Variants in RCC1 observed in about 807,000 individuals in gnomAD.
RCC1 encodes the protein regulator of chromosome condensation.
In RCC1, 11 loss-of-function variants were observed where a neutral mutation model predicts 44.4. That is an observed-to-expected ratio of 0.25 (90% CI 0.16 to 0.41). The LOEUF (loss-of-function observed/expected upper bound fraction) is 0.41. Among genes scored for constraint, RCC1 ranks in the 10% least tolerant of loss-of-function variants. The pLI, the probability that RCC1 is intolerant of heterozygous loss-of-function variation, is 1.00. For synonymous variants in RCC1, 213 were observed against 216.5 expected, an observed-to-expected ratio of 0.98 and a Z score of 0.14; for missense variants, 386 against 547.1, an observed-to-expected ratio of 0.71 and a Z score of 2.94.
At chr1:28,511,431 C>T (rs577116069) in intron 3 of RCC1, among the ~76,000 whole-genome samples, 4 of 146,792 alleles carry the variant, frequency 2.7e-5, no homozygotes, top group Admixed American at 6.7e-5. Flanking sequence ...GAGGGAGTCT[C>T]GCTCTGTCGC....
chr1:28,533,101 A>T (rs562697808), intron 7 of RCC1, among the ~76,000 whole-genome samples: 1 of 152,214 alleles, frequency 6.6e-6, no homozygotes, highest in African/African-American at 2.4e-5. Context: ...GGCGTGGGCC[A>T]CCACACCCGG....
intron 4 of RCC1, among the ~76,000 whole-genome samples, chr1:28,517,121 CAAAA>C (rs796542591): frequency 1.3e-4 from 18 of 136,176 alleles, no homozygotes; most frequent in African/African-American, 3.8e-4. Context: ...GACTCGATCT[CAAAA>C]AAAAAAAAAG....
At chr1:28,522,615 C>G (rs1368644973) in intron 4 of RCC1, among the ~76,000 whole-genome samples, 3 of 151,490 alleles carry the variant, frequency 2.0e-5, no homozygotes, top group African/African-American at 7.3e-5. Context: ...TGAGACCAGC[C>G]TGGGCAACAT....
chr1:28,530,779 C>T (rs2097191), intron 5 of RCC1, among the ~76,000 whole-genome samples: 2 of 152,110 alleles, frequency 1.3e-5, no homozygotes, highest in African/African-American at 2.4e-5. Flanking sequence ...CCGCAAATGC[C>T]GCTGTCCGCT....
At chr1:28,510,805 TCAGCCCCATTCGTCTGTATGCC>T (rs1486623855) in intron 3 of RCC1, 1 of 152,230 alleles carries the variant, frequency 6.6e-6, no homozygotes, top group East Asian at 1.9e-4. Flanking sequence ...GCCAGATGAG[TCAGCCCCATTCGTCTGTATGCC>T]CAGTCCCATC....
intron 1 of RCC1, 72 bp from the exon 2 acceptor site, chr1:28,508,056 G>GAT (rs1177354138): frequency 7.4e-6 from 3 of 403,868 alleles, no homozygotes; most frequent in Non-Finnish European, 1.0e-5. Flanking sequence ...AACCCCAGGC[G>GAT]ATAGCATGAG....
chr1:28,506,693 C>T (rs372507846), intron 1 of RCC1: 46 of 162,190 alleles, frequency 2.8e-4, no homozygotes, highest in African/African-American at 9.4e-4. Flanking sequence ...TTGTCGTTCT[C>T]AATATAATTG....
At chr1:28,520,805 C>T (rs773293116) in intron 4 of RCC1, among the ~76,000 whole-genome samples, 7 of 152,138 alleles carry the variant, frequency 4.6e-5, no homozygotes, top group Non-Finnish European at 1.0e-4. Context: ...AGGCCGGGCT[C>T]GGTGGCTCAC....
In RCC1 at chr1:28,508,895, A is replaced by T. The variant is rs1662268509; in HGVS notation, c.-163A>T. 4 of 516,400 alleles carry T rather than the reference A, an allele frequency of 7.7e-6. No individual in the cohort carries two copies. The highest frequency in any genetic ancestry group is 1.2e-5 in the Non-Finnish European group (3 of 259,354). The allele number at this position is 516,400 out of a possible 1,614,324, so 32.0% of individuals were successfully genotyped here. A position where few individuals can be genotyped will look rare whatever the true frequency, so the allele number is the denominator to read the frequency against. On this transcript the variant is annotated 5_prime_UTR_variant, in exon 3 of 13. It adds an upstream start codon to the 5' untranslated region. Coordinates refer to ENST00000683442, the MANE Select transcript of RCC1 (RefSeq NM_001381865.2). ...TTAATTTTAGGGTCCTTTATATAGA[A>T]GGGAGAGTAGGTAAACTGATTTTTT... is the stretch of plus-strand genomic sequence containing the variant.
chr1:28,531,092 G>A (rs1031877708), intron 5 of RCC1, among the ~76,000 whole-genome samples: 9 of 152,030 alleles, frequency 5.9e-5, no homozygotes, highest in African/African-American at 9.7e-5. Flanking sequence ...AGCCTTGCGC[G>A]GTGGCGCGCG....
At chr1:28,506,135 G>T (rs1028356703) in intron 1 of RCC1, 51 bp downstream of exon 1, 25 of 454,646 alleles carry the variant, frequency 5.5e-5, no homozygotes, top group Non-Finnish European at 1.1e-4. Flanking sequence ...CCGGAGTTGT[G>T]GGTCTAATGC....
intron 4 of RCC1, among the ~76,000 whole-genome samples, chr1:28,521,455 C>T (rs926897398): frequency 2.7e-5 from 4 of 149,254 alleles, no homozygotes; most frequent in Admixed American, 2.0e-4. Context: ...GAGCCGATAT[C>T]GCGCCATTGC....
At chr1:28,527,183 G>A in intron 4 of RCC1, 1 of 1,187,650 alleles carries the variant, frequency 8.4e-7, no homozygotes. Flanking sequence ...GCACTCACAT[G>A]CCGGGCAACT....
intron 4 of RCC1, among the ~76,000 whole-genome samples, chr1:28,529,119 C>A (rs1321480621): frequency 6.7e-6 from 1 of 149,732 alleles, no homozygotes; most frequent in African/African-American, 2.5e-5. Flanking sequence ...AAGTGATCCA[C>A]CCACCTTGGC....
rs1471269384 is a variant in RCC1 at position 28,536,894 on chromosome 1, A to C, written c.1085A>C (p.Lys362Thr). 1 of 1,613,544 alleles carries C rather than the reference A, an allele frequency of 6.2e-7. No individual in the cohort carries two copies. Among genetic ancestry groups the C allele is most frequent in the Admixed American group, 1.7e-5 (1 of 59,886 alleles). ...CGASVGYAVT[K>T]DGRVFAWGMG... ...GCCTCTGTGGGGTATGCTGTGACCAAGGATGGTGAGTGGGGCTGCCTACAC... is the reference window on the plus strand; with the variant it reads ...GCCTCTGTGGGGTATGCTGTGACCACGGATGGTGAGTGGGGCTGCCTACAC... The change falls in exon 12 of 13, where the codon AAG becomes ACG. Residue 362 changes from lysine (K) to threonine (T), a missense_variant. Transcript: ENST00000683442. The surrounding 1 kb of genome is among the most constrained non-coding windows in gnomAD (Gnocchi z 4.9).
At chr1:28,531,394 G>A (rs1664164164) in intron 5 of RCC1, among the ~76,000 whole-genome samples, 1 of 150,764 alleles carries the variant, frequency 6.6e-6, no homozygotes, top group African/African-American at 2.4e-5. Context: ...AGCCTCCTGA[G>A]TAGCTGAGAT....
intron 3 of RCC1, among the ~76,000 whole-genome samples, chr1:28,513,954 G>A (rs1367415526): frequency 4.0e-5 from 6 of 151,350 alleles, no homozygotes; most frequent in Non-Finnish European, 8.8e-5. Flanking sequence ...TGTAGTATAA[G>A]AATCTTCCCC....
Position 28,537,911 on chromosome 1 carries a change from G to C in RCC1, c.1170G>C (p.Glu390Asp). ...GQDEDAWSPV[E>D]MMGKQLENRV... ...ATGAGGACGCCTGGAGCCCTGTGGA[G>C]ATGATGGGCAAACAGCTGGAGAACC... The change falls in exon 13 of 13, where the codon GAG becomes GAC. Residue 390 changes from glutamate (E) to aspartate (D), a missense_variant. Physicochemically the swap from Glu to Asp is conservative, Grantham distance 45. Coordinates refer to ENST00000683442, the MANE Select transcript of RCC1 (RefSeq NM_001381865.2). 1 of 1,613,812 alleles carries C rather than the reference G, an allele frequency of 6.2e-7. No individual in the cohort carries two copies. Among genetic ancestry groups the C allele is most frequent in the Non-Finnish European group, 8.5e-7 (1 of 1,179,930 alleles).
intron 3 of RCC1, among the ~76,000 whole-genome samples, chr1:28,511,196 G>C (rs566304453): frequency 1.8e-4 from 28 of 152,220 alleles, no homozygotes; most frequent in Admixed American, 1.3e-3. Context: ...CTTTGGGTGA[G>C]TTACTCAGCC....
Sources: allele counts gnomAD v4.1 joint callset (sites outside exome capture counted in the v4.1 genomes callset), GRCh38; gene constraint gnomAD v4.1.1; non-coding constraint Gnocchi (gnomAD v3.1); transcripts MANE v1.5; gene names NCBI Gene and HGNC (gene_info 2026-07-23, HGNC 2026-07-21).